Variants in HMGCLL1 observed in about 807,000 individuals in gnomAD.
The protein encoded by HMGCLL1 is 3-hydroxymethyl-3-methylglutaryl-CoA lyase, cytoplasmic.
A neutral mutation model predicts 39.1 loss-of-function variants in HMGCLL1; 36 were observed. That is an observed-to-expected ratio of 0.92 (90% CI 0.71 to 1.22). The LOEUF is 1.22. HMGCLL1 is among the 50% of genes most tolerant of loss of function. The pLI is 0.00. For synonymous variants in HMGCLL1, 149 were observed against 144.0 expected, an observed-to-expected ratio of 1.03 and a Z score of -0.25; for missense variants, 451 against 416.5, an observed-to-expected ratio of 1.08 and a Z score of -0.72.
the HMGCLL1 span, among the ~76,000 whole-genome samples, chr6:55,663,346 CT>C: frequency 6.6e-6 from 1 of 151,010 alleles, no homozygotes; most frequent in Non-Finnish European, 1.5e-5. Flanking sequence ...CCTCTTAACA[CT>C]GATTTAGCTG....
intron 5 of HMGCLL1, among the ~76,000 whole-genome samples, chr6:55,505,124 G>C (rs563528422): frequency 6.6e-6 from 1 of 151,686 alleles, no homozygotes; most frequent in East Asian, 1.9e-4. Flanking sequence ...AAAAGAAGAC[G>C]TGAAGTGTTT....
At chr6:55,462,345 T>C (rs538972153) in intron 7 of HMGCLL1, among the ~76,000 whole-genome samples, 1 of 152,220 alleles carries the variant, frequency 6.6e-6, no homozygotes, top group East Asian at 1.9e-4. Flanking sequence ...ATGCTCACCA[T>C]GTATGCTCAT....
At chr6:55,519,795 G>T (rs1767943419) in intron 3 of HMGCLL1, among the ~76,000 whole-genome samples, 2 of 152,024 alleles carry the variant, frequency 1.3e-5, no homozygotes, top group African/African-American at 4.8e-5. Flanking sequence ...ACCAAATACA[G>T]ATTTGGATAG....
chr6:55,502,936 T>A (rs1766967817), intron 5 of HMGCLL1, among the ~76,000 whole-genome samples: 1 of 151,256 alleles, frequency 6.6e-6, no homozygotes, highest in African/African-American at 2.4e-5. Flanking sequence ...GTGGTTAACT[T>A]ATAATCTTTT....
chr6:55,436,561 C>T (rs553344446), intron 8 of HMGCLL1, among the ~76,000 whole-genome samples: 1 of 152,100 alleles, frequency 6.6e-6, no homozygotes, highest in Admixed American at 6.6e-5. Flanking sequence ...CACAAACTTG[C>T]CCTTATGTGG....
chr6:55,546,652 T>C (rs981165140), intron 1 of HMGCLL1, among the ~76,000 whole-genome samples: 1 of 152,092 alleles, frequency 6.6e-6, no homozygotes, highest in Admixed American at 6.6e-5. Context: ...TTTTCTTACA[T>C]ACTGAATATA....
the HMGCLL1 span, among the ~76,000 whole-genome samples, chr6:55,592,330 AG>A: frequency 6.6e-6 from 1 of 152,220 alleles, no homozygotes; most frequent in African/African-American, 2.4e-5. Flanking sequence ...AAGTTCATGA[AG>A]ATATCTGATT....
chr6:55,676,311 A>G, the HMGCLL1 span, among the ~76,000 whole-genome samples: 2,108 of 152,278 alleles, frequency 0.014, 55 homozygotes, highest in African/African-American at 0.048. Flanking sequence ...GACACTAGAG[A>G]CAAGTATAGC....
chr6:55,657,024 G>T, the HMGCLL1 span, among the ~76,000 whole-genome samples: 7 of 151,866 alleles, frequency 4.6e-5, no homozygotes, highest in Non-Finnish European at 2.9e-5. Context: ...GATGTACTTT[G>T]CCCACTTTTT....
chr6:55,632,709 A>C, the HMGCLL1 span, among the ~76,000 whole-genome samples: 333 of 152,218 alleles, frequency 2.2e-3, 3 homozygotes, highest in African/African-American at 7.7e-3. Flanking sequence ...CACCTGTTAT[A>C]TCATAATGGA....
chr6:55,617,250 A>C, the HMGCLL1 span, among the ~76,000 whole-genome samples: 1 of 152,102 alleles, frequency 6.6e-6, no homozygotes, highest in Non-Finnish European at 1.5e-5. Context: ...GCACCTGGAC[A>C]TATCTTTGTG....
chr6:55,512,120 C>A (rs903361755), intron 5 of HMGCLL1: 2 of 152,036 alleles, frequency 1.3e-5, no homozygotes, highest in Admixed American at 6.6e-5. Context: ...ATTAACTATT[C>A]CATTTTACAA....
At chr6:55,660,135 T>C in the HMGCLL1 span, among the ~76,000 whole-genome samples, 1 of 151,874 alleles carries the variant, frequency 6.6e-6, no homozygotes, top group Non-Finnish European at 1.5e-5. Context: ...CTCATACCCC[T>C]GCATTACTGA....
At chr6:55,541,480 T>C (rs1769428936) in intron 3 of HMGCLL1, among the ~76,000 whole-genome samples, 1 of 152,168 alleles carries the variant, frequency 6.6e-6, no homozygotes, top group African/African-American at 2.4e-5. Flanking sequence ...CCCCCTAAAA[T>C]GCTATTCAAC....
At chr6:55,640,374 G>T in the HMGCLL1 span, among the ~76,000 whole-genome samples, 2 of 152,014 alleles carry the variant, frequency 1.3e-5, no homozygotes, top group Non-Finnish European at 2.9e-5. Context: ...CTAGACGCTT[G>T]CCTACTACAA....
At chr6:55,640,990 G>A in the HMGCLL1 span, among the ~76,000 whole-genome samples, 2 of 151,438 alleles carry the variant, frequency 1.3e-5, no homozygotes, top group African/African-American at 4.8e-5. Context: ...AAGAGTGGGT[G>A]AAAGAATCAA....
chr6:55,517,795 A>G (rs1014228508), intron 3 of HMGCLL1, among the ~76,000 whole-genome samples: 3 of 152,138 alleles, frequency 2.0e-5, no homozygotes, highest in South Asian at 2.1e-4. Flanking sequence ...AATCTGCATT[A>G]CTTATATGAG....
the HMGCLL1 span, among the ~76,000 whole-genome samples, chr6:55,631,156 G>A: frequency 6.6e-6 from 1 of 152,024 alleles, no homozygotes; most frequent in African/African-American, 2.4e-5. Flanking sequence ...ATAGCTCTAA[G>A]TTTGGAAAGT....
chr6:55,537,519 T>C (rs1769102029), intron 3 of HMGCLL1, among the ~76,000 whole-genome samples: 1 of 152,172 alleles, frequency 6.6e-6, no homozygotes, highest in African/African-American at 2.4e-5. Flanking sequence ...GGCAGTGAAC[T>C]TGTGTAGAGC....
Sources: allele counts gnomAD v4.1 joint callset (sites outside exome capture counted in the v4.1 genomes callset), GRCh38; gene constraint gnomAD v4.1.1; transcripts MANE v1.5; gene names NCBI Gene and HGNC (gene_info 2026-07-23, HGNC 2026-07-21).